Variants in CEP83 observed in about 807,000 individuals in gnomAD.
CEP83 encodes centrosomal protein 83.
Under a neutral mutation model 101.9 loss-of-function variants are expected in CEP83, and 70 were observed. That is an observed-to-expected ratio of 0.69 (90% CI 0.57 to 0.84). CEP83 has a LOEUF of 0.84. CEP83 is among the 40% of genes least tolerant of loss of function. The pLI is 0.00. For synonymous variants in CEP83, 264 were observed against 267.9 expected, an observed-to-expected ratio of 0.99 and a Z score of 0.14; for missense variants, 715 against 787.2, an observed-to-expected ratio of 0.91 and a Z score of 1.10.
intron 4 of CEP83, among the ~76,000 whole-genome samples, chr12:94,405,748 C>T (rs2063497975): frequency 6.6e-6 from 1 of 152,034 alleles, no homozygotes; most frequent in Non-Finnish European, 1.5e-5. Flanking sequence ...GACCTGGCAC[C>T]GGAAAGGATA....
chr12:94,425,723 C>T (rs750149648), intron 2 of CEP83, among the ~76,000 whole-genome samples: 4 of 151,946 alleles, frequency 2.6e-5, no homozygotes, highest in African/African-American at 2.4e-5. Flanking sequence ...GTTCACAGAC[C>T]GTCTTAATCT....
chr12:94,301,121 A>G, the CEP83 span: 1 of 1,451,616 alleles, frequency 6.9e-7, no homozygotes, highest in East Asian at 2.3e-5. Context: ...TGTCTTTCTG[A>G]TAAGCATTCA....
intron 14 of CEP83, among the ~76,000 whole-genome samples, chr12:94,318,856 T>C (rs1419380293): frequency 6.6e-6 from 1 of 152,180 alleles, no homozygotes. Context: ...TCGTCAAAGA[T>C]ATTGGCCTAA....
At chr12:94,341,375 T>A (rs2059681521) in intron 11 of CEP83, among the ~76,000 whole-genome samples, 1 of 152,208 alleles carries the variant, frequency 6.6e-6, no homozygotes, top group African/African-American at 2.4e-5. Flanking sequence ...ATTTCCTTAG[T>A]AAGACCTTTT....
At chr12:94,424,660 A>G (rs2065043590) in intron 2 of CEP83, 2 of 1,613,582 alleles carry the variant, frequency 1.2e-6, no homozygotes, top group East Asian at 4.5e-5. Flanking sequence ...GGCTGTCAAA[A>G]TCTACAAAGC....
At chr12:94,272,457 C>T in the CEP83 span, 1 of 152,236 alleles carries the variant, frequency 6.6e-6, no homozygotes, top group Non-Finnish European at 1.5e-5. Flanking sequence ...ATGTCATCGG[C>T]CAGGACTTAG....
intron 2 of CEP83, among the ~76,000 whole-genome samples, chr12:94,416,565 CACACACACAAAAAAA>C (rs1487608637): frequency 9.1e-6 from 1 of 109,674 alleles, no homozygotes; most frequent in Non-Finnish European, 2.1e-5. Flanking sequence ...CACACACACA[CACACACACAAAAAAA>C]AAAAAACTGT....
the CEP83 span, among the ~76,000 whole-genome samples, chr12:94,273,323 C>T: frequency 1.9e-3 from 294 of 152,250 alleles, 2 homozygotes; most frequent in African/African-American, 6.7e-3. Context: ...AGTCCTCCAC[C>T]CATACTTCCA....
chr12:94,344,623 G>A (rs2059847765), intron 11 of CEP83, among the ~76,000 whole-genome samples: 1 of 152,052 alleles, frequency 6.6e-6, no homozygotes, highest in Non-Finnish European at 1.5e-5. Context: ...TTGAATCAAA[G>A]ATGAACATGA....
intron 2 of CEP83, among the ~76,000 whole-genome samples, chr12:94,417,313 C>T (rs1442150244): frequency 6.6e-6 from 1 of 151,924 alleles, no homozygotes; most frequent in East Asian, 1.9e-4. Flanking sequence ...AAGATTCCCA[C>T]CTCTTAAAAA....
In CEP83 at chr12:94,308,799, G is replaced by C. The variant is rs546817327; in HGVS notation, c.*14C>G. On this transcript the variant is annotated 3_prime_UTR_variant, in exon 17 of 17. Coordinates refer to ENST00000397809, the MANE Select transcript of CEP83 (RefSeq NM_016122.3). ...CAACTTCACCTCTTTTGATCTGCCTGTTCTCCAAGAACATCATTCTCCGGA... is the reference window on the plus strand; with the variant it reads ...CAACTTCACCTCTTTTGATCTGCCTCTTCTCCAAGAACATCATTCTCCGGA... 1 of 1,556,088 alleles carries C rather than the reference G, an allele frequency of 6.4e-7. No individual in the cohort carries two copies. The highest frequency in any genetic ancestry group is 8.9e-7 in the Non-Finnish European group (1 of 1,127,904).
chr12:94,458,354 G>A (rs1036696399), intron 1 of CEP83, among the ~76,000 whole-genome samples: 2 of 152,114 alleles, frequency 1.3e-5, no homozygotes, highest in African/African-American at 4.8e-5. Flanking sequence ...TCAAAGTAAG[G>A]GGAATACCCA....
chr12:94,312,082 AAAAAG>A (rs1242709821), intron 15 of CEP83, among the ~76,000 whole-genome samples: 1 of 152,236 alleles, frequency 6.6e-6, no homozygotes, highest in African/African-American at 2.4e-5. Flanking sequence ...GTTTAAAAAA[AAAAAG>A]AATTGAAACA....
At chr12:94,303,821 T>G, downstream of CEP83, 2 of 1,611,072 alleles carry the variant, frequency 1.2e-6, no homozygotes, top group East Asian at 4.5e-5. Flanking sequence ...AAGTAAAATC[T>G]TATTACAAAG....
intron 11 of CEP83, chr12:94,361,430 T>G (rs939707541): frequency 6.6e-6 from 1 of 152,084 alleles, no homozygotes; most frequent in African/African-American, 2.4e-5. Flanking sequence ...AGGTCAGAAA[T>G]AGAGTGGGTC....
chr12:94,329,911 G>A (rs1593187251), intron 14 of CEP83, among the ~76,000 whole-genome samples: 1 of 152,250 alleles, frequency 6.6e-6, no homozygotes. Flanking sequence ...CTAGCATTAT[G>A]AGAAGATAAA....
At position 94,412,386 on chromosome 12, in the gene CEP83, T is replaced by C. The variant is rs762091040; in HGVS notation, c.105A>G (p.Leu35=). 1 of 1,613,010 alleles carries C rather than the reference T, an allele frequency of 6.2e-7. No individual in the cohort carries two copies. Among genetic ancestry groups the C allele is most frequent in the South Asian group, 1.1e-5 (1 of 90,918 alleles). The change falls in exon 3 of 17, where the codon TTA becomes TTG. Residue 35 remains leucine, a synonymous_variant. Coordinates refer to ENST00000397809, the MANE Select transcript of CEP83 (RefSeq NM_016122.3). ...GCTCACATCGTAACCTTTCATCAATTAACATTTTCTGGAACTCCGACTGAG... is the reference window on the plus strand; with the variant it reads ...GCTCACATCGTAACCTTTCATCAATCAACATTTTCTGGAACTCCGACTGAG... ...TGSQSEFQKM[L]IDERLRCEHH...
At chr12:94,294,499 C>A in the CEP83 span, 3 of 1,315,402 alleles carry the variant, frequency 2.3e-6, no homozygotes, top group Non-Finnish European at 3.3e-6. Flanking sequence ...TCAAATGGAT[C>A]CACTATAAAA....
chr12:94,292,611 T>C, the CEP83 span, among the ~76,000 whole-genome samples: 170 of 152,360 alleles, frequency 1.1e-3, no homozygotes, highest in Middle Eastern at 6.8e-3. Context: ...AATATTTGCA[T>C]ACACATAATG....
Sources: allele counts gnomAD v4.1 joint callset (sites outside exome capture counted in the v4.1 genomes callset), GRCh38; gene constraint gnomAD v4.1.1; transcripts MANE v1.5; gene names NCBI Gene and HGNC (gene_info 2026-07-23, HGNC 2026-07-21).